Variants in PDE4D observed in about 807,000 individuals in gnomAD.
PDE4D encodes the protein phosphodiesterase 4D, also known as 3',5'-cyclic-AMP phosphodiesterase 4D.
Under a neutral mutation model 87.4 loss-of-function variants are expected in PDE4D, and 24 were observed. That is an observed-to-expected ratio of 0.27 (90% CI 0.20 to 0.39). PDE4D has a LOEUF of 0.39. Ranked by LOEUF, PDE4D falls within the 10% of genes least tolerant of loss-of-function variation. The pLI is 1.00. For synonymous variants in PDE4D, 384 were observed against 383.2 expected (o/e 1.00, Z -0.02); for missense variants, 714 against 1,041.0 (o/e 0.69, Z 4.32).
chr5:60,458,386 CA>C (rs61006284), intron 1 of PDE4D, among the ~76,000 whole-genome samples: 11,905 of 74,714 alleles, frequency 0.16, 151 homozygotes, highest in African/African-American at 0.21. Flanking sequence ...GACTTCATTG[CA>C]AAAAAAAAAA....
intron 2 of PDE4D, among the ~76,000 whole-genome samples, chr5:60,027,874 T>C (rs1287232130): frequency 3.3e-5 from 5 of 152,368 alleles, no homozygotes; most frequent in African/African-American, 1.2e-4. Context: ...CATTTTGAAC[T>C]GTGCCATCAA....
rs553124913 is a variant in PDE4D, at chr5:59,324,747, C to T, written c.456-108779G>A. ...ATGTCACTGAGTGACTTGGAGCCTC[C>T]CACCTCAGGATGGCTTTGGTTTAAG... On this transcript the variant is annotated intron_variant, in intron 1 of 14. Transcript: ENST00000340635. Among the ~76,000 whole-genome samples the T allele has an allele frequency of 6.6e-5, 10 of 152,164 alleles. No homozygotes were observed. In the South Asian group the frequency reaches 2.1e-3, roughly 32 times the overall value.
chr5:59,712,084 T>A (rs1754278329), intron 1 of PDE4D, among the ~76,000 whole-genome samples: 1 of 152,120 alleles, frequency 6.6e-6, no homozygotes, highest in South Asian at 2.1e-4. Context: ...TTGACAATAT[T>A]TAAATAGAAT....
chr5:59,894,329 C>T (rs991573939), upstream of PDE4D, among the ~76,000 whole-genome samples: 1 of 152,200 alleles, frequency 6.6e-6, no homozygotes, highest in Non-Finnish European at 1.5e-5. Flanking sequence ...CATGCTGGTG[C>T]TTCCAAAGAT....
intron 1 of PDE4D, among the ~76,000 whole-genome samples, chr5:59,790,735 T>C (rs1197818837): frequency 6.6e-6 from 1 of 152,198 alleles, no homozygotes; most frequent in African/African-American, 2.4e-5. Context: ...CCGTCTTCCT[T>C]CTTTATTGTT....
chr5:60,156,220 G>A (rs964861945), intron 2 of PDE4D, among the ~76,000 whole-genome samples: 4 of 152,146 alleles, frequency 2.6e-5, no homozygotes, highest in African/African-American at 9.7e-5. Flanking sequence ...CTCGGGCCTC[G>A]CTACTGTTTG....
chr5:59,111,231 C>T (rs1772587485), intron 5 of PDE4D, among the ~76,000 whole-genome samples: 1 of 152,140 alleles, frequency 6.6e-6, no homozygotes, highest in African/African-American at 2.4e-5. Context: ...TCGTTCTCTA[C>T]CCCAAATCCC....
At chr5:59,874,562 G>T (rs184155377) in intron 1 of PDE4D, among the ~76,000 whole-genome samples, 1 of 152,160 alleles carries the variant, frequency 6.6e-6, no homozygotes, top group Non-Finnish European at 1.5e-5. Context: ...TACTGGTTAT[G>T]ATTTCTTATC....
intron 1 of PDE4D, among the ~76,000 whole-genome samples, chr5:59,887,739 TTGTGTG>T (rs542926434): frequency 6.7e-6 from 1 of 148,936 alleles, no homozygotes; most frequent in Non-Finnish European, 1.5e-5. Context: ...GTGTGTGTGT[TTGTGTG>T]TGTGTGTGTG....
At chr5:59,483,451 C>CTAG (rs2153657117) in intron 1 of PDE4D, among the ~76,000 whole-genome samples, 1 of 152,184 alleles carries the variant, frequency 6.6e-6, no homozygotes, top group Non-Finnish European at 1.5e-5. Flanking sequence ...CTTTAAAATC[C>CTAG]TCTACAGTTC....
At position 59,321,036 on chromosome 5, in the gene PDE4D, T is replaced by A. The variant is rs116598146; in HGVS notation, c.456-105068A>T. Among the ~76,000 whole-genome samples, 478 of 152,246 alleles carry A rather than the reference T, an allele frequency of 3.1e-3. 5 individuals are homozygous for A. Among genetic ancestry groups the A allele is most frequent in the African/African-American group, 0.011 (455 of 41,582 alleles). On this transcript the variant is annotated intron_variant, in intron 1 of 14. Coordinates refer to ENST00000340635, the MANE Select transcript of PDE4D (RefSeq NM_001104631.2). ...CCATCCTTGGAGAAATCCAATGATT[T>A]CCTGCACTTAACACTGGGATGAAAC...
At chr5:60,164,829 C>T (rs1033376601) in intron 2 of PDE4D, among the ~76,000 whole-genome samples, 7 of 152,120 alleles carry the variant, frequency 4.6e-5, no homozygotes, top group African/African-American at 7.2e-5. Context: ...AAGTATTCTA[C>T]ATTGTGGAAT....
chr5:59,911,643 G>A (rs1282726162), intron 3 of PDE4D, among the ~76,000 whole-genome samples: 2 of 152,108 alleles, frequency 1.3e-5, no homozygotes, highest in East Asian at 1.9e-4. Flanking sequence ...GAACCCACTG[G>A]GCAGTTACAG....
intron 1 of PDE4D, among the ~76,000 whole-genome samples, chr5:59,561,750 C>G (rs559525653): frequency 6.6e-6 from 1 of 151,574 alleles, no homozygotes; most frequent in African/African-American, 2.4e-5. Flanking sequence ...ACCAACATGG[C>G]AAAAACCCGT....
intron 10 of PDE4D, 150 bp from the exon 11 acceptor site, chr5:58,988,742 T>G (rs971909819): frequency 3.0e-5 from 12 of 400,820 alleles, no homozygotes; most frequent in Non-Finnish European, 4.8e-5. Flanking sequence ...TCTTAGATAC[T>G]TGTGAACTTT....
At chr5:59,529,056 C>A in intron 1 of PDE4D, 2 of 467,248 alleles carry the variant, frequency 4.3e-6, no homozygotes, top group South Asian at 3.3e-5. Flanking sequence ...GAAGATCTTG[C>A]CTTAATTCGT....
At chr5:59,447,690 T>G (rs988055671) in intron 1 of PDE4D, among the ~76,000 whole-genome samples, 9 of 152,240 alleles carry the variant, frequency 5.9e-5, no homozygotes, top group African/African-American at 2.2e-4. Context: ...GTAATTAATT[T>G]GAAAGAATCT....
chr5:59,420,504 T>C (rs552418547), intron 1 of PDE4D, among the ~76,000 whole-genome samples: 27 of 152,108 alleles, frequency 1.8e-4, no homozygotes, highest in African/African-American at 6.3e-4. Flanking sequence ...AGAATTCAAG[T>C]GGGTTTTTCC....
At chr5:59,892,705 C>T (rs1657198133) in intron 1 of PDE4D, among the ~76,000 whole-genome samples, 1 of 152,028 alleles carries the variant, frequency 6.6e-6, no homozygotes, top group South Asian at 2.1e-4. Flanking sequence ...CCCCACCGAC[C>T]CTCTTCCCAA....
Sources: allele counts gnomAD v4.1 joint callset (sites outside exome capture counted in the v4.1 genomes callset), GRCh38; gene constraint gnomAD v4.1.1; transcripts MANE v1.5; gene names NCBI Gene and HGNC (gene_info 2026-07-23, HGNC 2026-07-21).